Variants in IQCM observed in about 807,000 individuals in gnomAD.
IQCM encodes IQ domain-containing protein M.
IQCM carries 45 observed loss-of-function variants against 57.6 expected under a neutral mutation model. The ratio of observed to expected loss-of-function variants is 0.78; its 90% CI spans 0.62 to 1.00. The LOEUF (loss-of-function observed/expected upper bound fraction) is 1.00. Ranked by LOEUF, IQCM falls within the 50% of genes least tolerant of loss-of-function variation. The pLI, the probability that IQCM is intolerant of heterozygous loss-of-function variation, is 0.00. For missense variants in IQCM, 468 were observed against 511.6 expected, an observed-to-expected ratio of 0.91 and a Z score of 0.82; for synonymous variants, 148 against 158.9, an observed-to-expected ratio of 0.93 and a Z score of 0.51.
chr4:149,738,506 C>T (rs1442826111), intron 3 of IQCM, among the ~76,000 whole-genome samples: 2 of 152,120 alleles, frequency 1.3e-5, no homozygotes, highest in African/African-American at 2.4e-5. Flanking sequence ...CACCTGTGGA[C>T]CGTGGAGAAA....
At chr4:149,735,051 G>A (rs151317818) in intron 4 of IQCM, among the ~76,000 whole-genome samples, 360 of 152,018 alleles carry the variant, frequency 2.4e-3, no homozygotes, top group African/African-American at 8.2e-3. Context: ...GTTTAGCTTC[G>A]ACTAAACAGC....
chr4:149,659,812 C>A (rs13143715), intron 7 of IQCM, among the ~76,000 whole-genome samples: 6,217 of 151,640 alleles, frequency 0.041, 205 homozygotes, highest in Non-Finnish European at 0.067. Flanking sequence ...CTTCCTTACA[C>A]CTGATACAAA....
intron 13 of IQCM, among the ~76,000 whole-genome samples, chr4:149,398,137 T>C (rs918670389): frequency 6.6e-5 from 10 of 152,010 alleles, no homozygotes; most frequent in African/African-American, 2.4e-4. Flanking sequence ...CCCAACACCT[T>C]TATTGAAGGT....
In IQCM at chr4:149,750,228, A is replaced by G. The variant is rs534559316; in HGVS notation, c.-48-7489T>C. On this transcript the variant is annotated intron_variant, in intron 2 of 13. Transcript: ENST00000636793. ...GTACTTTGATACAAAGTGAACGGTAATGAAACACACACACACTCTCCAAAA... is the reference window on the plus strand; with the variant it reads ...GTACTTTGATACAAAGTGAACGGTAGTGAAACACACACACACTCTCCAAAA... Among the ~76,000 whole-genome samples, 12 of 152,272 alleles carry G rather than the reference A, an allele frequency of 7.9e-5. No individual in the cohort carries two copies. In the East Asian group the frequency reaches 2.1e-3, roughly 27 times the overall value.
At chr4:149,705,357 T>C (rs981919630) in intron 5 of IQCM, among the ~76,000 whole-genome samples, 1 of 150,956 alleles carries the variant, frequency 6.6e-6, no homozygotes, top group Non-Finnish European at 1.5e-5. Flanking sequence ...GACTATAGCA[T>C]GACAGGGTAC....
At chr4:149,529,521 T>A (rs1746521499) in intron 12 of IQCM, among the ~76,000 whole-genome samples, 1 of 152,200 alleles carries the variant, frequency 6.6e-6, no homozygotes, top group Non-Finnish European at 1.5e-5. Context: ...ACCAACAGTG[T>A]TTTCCTACAG....
chr4:149,681,435 T>C (rs2150202688), intron 7 of IQCM, among the ~76,000 whole-genome samples: 1 of 151,380 alleles, frequency 6.6e-6, no homozygotes, highest in South Asian at 2.1e-4. Flanking sequence ...CATGAAAACA[T>C]GATTCATAGA....
chr4:149,529,480 C>G (rs1454813117), intron 12 of IQCM, among the ~76,000 whole-genome samples: 2 of 152,178 alleles, frequency 1.3e-5, no homozygotes, highest in Non-Finnish European at 2.9e-5. Context: ...CCATAAAGGT[C>G]TCATCCCATT....
chr4:149,500,229 C>T (rs917159490), intron 12 of IQCM, among the ~76,000 whole-genome samples: 6 of 152,122 alleles, frequency 3.9e-5, no homozygotes, highest in Admixed American at 3.9e-4. Context: ...GGAGAGATCT[C>T]TGCAGAGGAA....
chr4:149,507,578 G>A (rs1743957249), intron 12 of IQCM, among the ~76,000 whole-genome samples: 1 of 152,176 alleles, frequency 6.6e-6, no homozygotes, highest in South Asian at 2.1e-4. Context: ...GAACTTGAGA[G>A]AGATGATTTA....
chr4:149,752,542 C>G (rs1483685545), intron 2 of IQCM, among the ~76,000 whole-genome samples: 1 of 119,214 alleles, frequency 8.4e-6, no homozygotes, highest in Non-Finnish European at 1.7e-5. Context: ...CAGAATGAGA[C>G]TCTGTCTTAA....
rs181218249 is a variant in IQCM at position 149,711,361 on chromosome 4, A to G, written c.385+21883T>C. On this transcript the variant is annotated intron_variant, in intron 5 of 13. Transcript: ENST00000636793. ...TTAAATGAGCGAAAGCTTTAGATTCAGAAAGACTAAATTCAGATTCAAATC... is the reference window on the plus strand; with the variant it reads ...TTAAATGAGCGAAAGCTTTAGATTCGGAAAGACTAAATTCAGATTCAAATC... Among the ~76,000 whole-genome samples, 6 of 152,344 alleles carry G rather than the reference A, an allele frequency of 3.9e-5. 1 individual carries two copies. The highest frequency in any genetic ancestry group is 3.9e-4 in the Admixed American group (6 of 15,300).
intron 7 of IQCM, among the ~76,000 whole-genome samples, chr4:149,680,018 G>C (rs962700726): frequency 1.3e-5 from 2 of 151,248 alleles, no homozygotes; most frequent in Admixed American, 1.3e-4. Flanking sequence ...AAAATAAGTT[G>C]GTGGCCATAA....
intron 12 of IQCM, among the ~76,000 whole-genome samples, chr4:149,546,934 T>C (rs1222476524): frequency 6.6e-6 from 1 of 152,232 alleles, no homozygotes; most frequent in Admixed American, 6.5e-5. Flanking sequence ...GGTTTTCTTC[T>C]AGTGTTTTTA....
intron 12 of IQCM, among the ~76,000 whole-genome samples, chr4:149,474,281 C>T (rs892492582): frequency 3.3e-5 from 5 of 151,942 alleles, no homozygotes; most frequent in Admixed American, 2.6e-4. Context: ...GTAGACATAA[C>T]TGGTTGAGCA....
intron 2 of IQCM, among the ~76,000 whole-genome samples, chr4:149,749,973 GT>G (rs1200475298): frequency 6.6e-6 from 1 of 152,018 alleles, no homozygotes; most frequent in Non-Finnish European, 1.5e-5. Context: ...TATAAAAACT[GT>G]TTATTTGAAT....
chr4:149,698,309 TCATAATCC>T (rs1286126632), intron 5 of IQCM, among the ~76,000 whole-genome samples: 3 of 152,104 alleles, frequency 2.0e-5, no homozygotes, highest in Admixed American at 2.0e-4. Context: ...ATTTTATATT[TCATAATCC>T]CATAATCCCA....
At chr4:149,448,600 C>CA (rs1236569290) in intron 12 of IQCM, among the ~76,000 whole-genome samples, 1 of 150,850 alleles carries the variant, frequency 6.6e-6, no homozygotes, top group Non-Finnish European at 1.5e-5. Context: ...AAATTTTAGC[C>CA]AAAAAAAGAA....
intron 13 of IQCM, among the ~76,000 whole-genome samples, chr4:149,377,455 ACTT>A (rs913597226): frequency 1.4e-4 from 21 of 152,018 alleles, no homozygotes; most frequent in Non-Finnish European, 4.4e-5. Flanking sequence ...TTATTGAGCT[ACTT>A]CTTCTCAATA....
Sources: allele counts gnomAD v4.1 joint callset (sites outside exome capture counted in the v4.1 genomes callset), GRCh38; gene constraint gnomAD v4.1.1; transcripts MANE v1.5; gene names NCBI Gene and HGNC (gene_info 2026-07-23, HGNC 2026-07-21).